Variants in GTF2A2 observed in about 807,000 individuals in gnomAD.
The protein encoded by GTF2A2 is transcription initiation factor IIA subunit 2.
In GTF2A2, 9 loss-of-function variants were observed where a neutral mutation model predicts 14.3. That is an observed-to-expected ratio of 0.63 (90% CI 0.38 to 1.10). GTF2A2 has a LOEUF of 1.10. Among genes scored for constraint, GTF2A2 ranks in the 50% least tolerant of loss-of-function variants. The pLI, the probability that GTF2A2 is intolerant of heterozygous loss-of-function variation, is 0.01. For missense variants in GTF2A2, 90 were observed against 124.6 expected, an observed-to-expected ratio of 0.72 and a Z score of 1.32; for synonymous variants, 56 against 46.0, an observed-to-expected ratio of 1.22 and a Z score of -0.88.
chr15:59,641,413 G>C (rs1305037935), intron 4 of GTF2A2, among the ~76,000 whole-genome samples: 2 of 152,146 alleles, frequency 1.3e-5, no homozygotes, highest in Non-Finnish European at 2.9e-5. Context: ...GACTCAAACA[G>C]GGAAATGGAG....
At chr15:59,645,852 T>C (rs1217577659) in intron 3 of GTF2A2, among the ~76,000 whole-genome samples, 8 of 151,546 alleles carry the variant, frequency 5.3e-5, no homozygotes, top group South Asian at 4.2e-4. Context: ...CTGGCCAACA[T>C]AGTGAAACCC....
Position 59,653,260 on chromosome 15 carries a change from T to TAA in GTF2A2, c.-49-935_-49-934insTT, listed in dbSNP as rs1891847434. 2.0e-5 allele frequency among the ~76,000 whole-genome samples: 3 copies of TAA among 152,100 alleles called. No homozygotes were observed. In the East Asian group the frequency reaches 5.8e-4, roughly 29 times the overall value. On this transcript the variant is annotated intron_variant, in intron 1 of 4. Transcript: ENST00000396060. ...GTGGCAGCAGTACACAGTCAATAAATATTTACTGAGCTTCCACTACACGTC... is the reference window on the plus strand; with the variant it reads ...GTGGCAGCAGTACACAGTCAATAAATAAATTTACTGAGCTTCCACTACACGTC...
chr15:59,644,184 C>T (rs12708458), intron 3 of GTF2A2: 46,157 of 151,992 alleles, frequency 0.3, 7,634 homozygotes, highest in East Asian at 0.53. Context: ...TGTGAGCCAC[C>T]GTGCCCGGCC....
At chr15:59,654,041 T>C (rs1891871008) in intron 1 of GTF2A2, among the ~76,000 whole-genome samples, 2 of 152,234 alleles carry the variant, frequency 1.3e-5, no homozygotes, top group African/African-American at 4.8e-5. Flanking sequence ...GTTAATGTGA[T>C]AACTCATGGT....
intron 1 of GTF2A2, 24 bp from the exon 2 acceptor site, chr15:59,652,350 TA>T: frequency 1.3e-6 from 1 of 780,434 alleles, no homozygotes; most frequent in Non-Finnish European, 2.2e-6. Flanking sequence ...ATAAAATTGT[TA>T]AAAAAGATCA....
In GTF2A2 at chr15:59,652,341, TAA is replaced by T; in HGVS notation, c.-49-17_-49-16del. 2 of 828,566 alleles carry T rather than the reference TAA, an allele frequency of 2.4e-6. No homozygotes were observed. Among genetic ancestry groups the T allele is most frequent in the South Asian group, 3.0e-5 (2 of 66,686 alleles). The allele number at this position is 828,566 out of a possible 1,614,324, so 51.3% of individuals were successfully genotyped here. On this transcript the variant is annotated splice_polypyrimidine_tract_variant and intron_variant, in intron 1 of 4. Transcript: ENST00000396060. ...GCATTGATGTCCTAAAAATTTAATA[TAA>T]AATTGTTAAAAAAGATCATACTGTA...
intron 3 of GTF2A2, among the ~76,000 whole-genome samples, chr15:59,645,347 C>A (rs946855898): frequency 5.3e-5 from 8 of 152,002 alleles, no homozygotes; most frequent in Non-Finnish European, 8.8e-5. Flanking sequence ...ACGCTGTAAC[C>A]CTAAGAAATA....
chr15:59,652,564 TATTAA>T (rs1385189144), intron 1 of GTF2A2, among the ~76,000 whole-genome samples: 7 of 152,220 alleles, frequency 4.6e-5, no homozygotes, highest in African/African-American at 1.2e-4. Flanking sequence ...CTGTTATATT[TATTAA>T]AATGTCTTTA....
At chr15:59,646,609 C>A (rs11637359) in intron 3 of GTF2A2, among the ~76,000 whole-genome samples, 85,152 of 151,952 alleles carry the variant, frequency 0.56, 24,489 homozygotes, top group Middle Eastern at 0.66. Context: ...AAAAATCTTA[C>A]ATATCATATG....
chr15:59,641,872 T>G (rs905982619), intron 4 of GTF2A2, among the ~76,000 whole-genome samples: 1 of 152,196 alleles, frequency 6.6e-6, no homozygotes, highest in African/African-American at 2.4e-5. Context: ...GTAATGGAAA[T>G]AGGGAACAAA....
intron 4 of GTF2A2, among the ~76,000 whole-genome samples, chr15:59,641,433 T>TTCTA (rs1432847907): frequency 6.6e-6 from 1 of 152,178 alleles, no homozygotes; most frequent in African/African-American, 2.4e-5. Context: ...GGGGGTTACT[T>TTCTA]TCTACATATC....
intron 4 of GTF2A2, among the ~76,000 whole-genome samples, chr15:59,641,091 C>A (rs182137220): frequency 6.6e-6 from 1 of 151,830 alleles, no homozygotes; most frequent in African/African-American, 2.4e-5. Context: ...CAGGGGCTCA[C>A]GCCTGTAATC....
chr15:59,652,506 T>C (rs749748672), intron 1 of GTF2A2, among the ~76,000 whole-genome samples, 180 bp from the exon 2 acceptor site: 3 of 152,228 alleles, frequency 2.0e-5, no homozygotes, highest in Admixed American at 1.3e-4. Context: ...TCCAGTTTTT[T>C]TCCCCATGAT....
intron 1 of GTF2A2, among the ~76,000 whole-genome samples, chr15:59,655,570 G>A (rs1891918540): frequency 6.6e-6 from 1 of 152,144 alleles, no homozygotes; most frequent in Admixed American, 6.5e-5. Flanking sequence ...GGTTGATCCC[G>A]TTTTCGCTAA....
At chr15:59,653,843 C>T (rs1891865249) in intron 1 of GTF2A2, among the ~76,000 whole-genome samples, 1 of 152,184 alleles carries the variant, frequency 6.6e-6, no homozygotes, top group African/African-American at 2.4e-5. Flanking sequence ...TTACCCACCT[C>T]GGTAACAGTA....
chr15:59,640,890 G>A (rs987302929), intron 4 of GTF2A2, among the ~76,000 whole-genome samples: 2 of 151,986 alleles, frequency 1.3e-5, no homozygotes, highest in Non-Finnish European at 2.9e-5. Context: ...TGTATCTAAT[G>A]ACTATAATAA....
At chr15:59,656,273 G>A (rs1382292374) in intron 1 of GTF2A2, among the ~76,000 whole-genome samples, 2 of 152,138 alleles carry the variant, frequency 1.3e-5, no homozygotes, top group Non-Finnish European at 2.9e-5. Flanking sequence ...CTGCCTGAAT[G>A]CTCTTCCTGA....
intron 4 of GTF2A2, among the ~76,000 whole-genome samples, chr15:59,640,574 A>T (rs1299656020): frequency 1.3e-5 from 2 of 152,250 alleles, no homozygotes; most frequent in African/African-American, 4.8e-5. Context: ...CAAGTACAAC[A>T]GCCATGAGTG....
At chr15:59,641,258 T>C (rs78560117) in intron 4 of GTF2A2, among the ~76,000 whole-genome samples, 1 of 151,116 alleles carries the variant, frequency 6.6e-6, no homozygotes, top group African/African-American at 2.4e-5. Flanking sequence ...TATACATACA[T>C]TTTTGCAAAA....
Sources: gnomAD v4.1 joint callset for allele counts (sites outside exome capture counted in the v4.1 genomes callset) on GRCh38, gnomAD v4.1.1 for gene constraint, MANE v1.5 for transcripts, NCBI Gene and HGNC (gene_info 2026-07-23, HGNC 2026-07-21) for gene names.